TMEM74: variants seen among roughly 807,000 people sequenced by gnomAD.
The protein encoded by TMEM74 is transmembrane protein 74.
A neutral mutation model predicts 18.1 loss-of-function variants in TMEM74; 13 were observed. The ratio of observed to expected loss-of-function variants is 0.72; its 90% CI spans 0.47 to 1.14. TMEM74 has a LOEUF of 1.14. TMEM74 is among the 50% of genes most tolerant of loss of function. TMEM74 has a pLI of 0.00. For synonymous variants in TMEM74, 159 were observed against 146.6 expected (o/e 1.08, Z -0.61); for missense variants, 372 against 375.9 (o/e 0.99, Z 0.09).
At chr8:108,653,613 G>A (rs1812794707) in intron 2 of TMEM74, among the ~76,000 whole-genome samples, 1 of 152,010 alleles carries the variant, frequency 6.6e-6, no homozygotes, top group Non-Finnish European at 1.5e-5. Context: ...CATTATATGT[G>A]AAACATCTAC....
At chr8:108,730,213 A>G (rs1408151347) in intron 1 of TMEM74, among the ~76,000 whole-genome samples, 1 of 152,180 alleles carries the variant, frequency 6.6e-6, no homozygotes, top group Non-Finnish European at 1.5e-5. Flanking sequence ...GCTGATCAAT[A>G]GAGTGGGGCT....
At position 108,782,729 on chromosome 8, in the gene TMEM74, C is replaced by T. The variant is rs1235885055; in HGVS notation, c.*1452G>A. 6.6e-6 allele frequency among the ~76,000 whole-genome samples: 1 copy of T among 152,204 alleles called. No individual in the cohort carries two copies. Among genetic ancestry groups the T allele is most frequent in the Non-Finnish European group, 1.5e-5 (1 of 68,030 alleles). ...TCATTCCTGCTGTCTCATACCAATT[C>T]CCAGCTCCTGTCCTCTTTTTAAGAA... On this transcript the variant is annotated 3_prime_UTR_variant, in exon 2 of 2. Coordinates refer to ENST00000297459, the MANE Select transcript of TMEM74 (RefSeq NM_153015.3).
chr8:108,678,882 T>A (rs1813083443), intron 1 of TMEM74, among the ~76,000 whole-genome samples: 1 of 150,894 alleles, frequency 6.6e-6, no homozygotes, highest in Non-Finnish European at 1.5e-5. Flanking sequence ...TATCTCCTAA[T>A]GCCATCCTCC....
At chr8:108,750,436 CAT>C (rs1215847885) in intron 1 of TMEM74, among the ~76,000 whole-genome samples, 1 of 152,044 alleles carries the variant, frequency 6.6e-6, no homozygotes, top group African/African-American at 2.4e-5. Context: ...GGTAGTTAGG[CAT>C]GAATGGAGCA....
At chr8:108,611,999 C>A (rs1294933471) in intron 2 of TMEM74, among the ~76,000 whole-genome samples, 1 of 152,072 alleles carries the variant, frequency 6.6e-6, no homozygotes, top group African/African-American at 2.4e-5. Context: ...AAGTGCCGAG[C>A]AAAAGGAGGA....
rs116411103 is a variant in TMEM74 at position 108,651,312 on chromosome 8, C to A, written n.264+3981G>T. Among the ~76,000 whole-genome samples the A allele has an allele frequency of 6.5e-3, 996 of 152,260 alleles. 14 individuals are homozygous for A. The highest frequency in any genetic ancestry group is 0.021 in the African/African-American group (883 of 41,564). On this transcript the variant is annotated intron_variant and non_coding_transcript_variant, in intron 2 of 3. Coordinates refer to the TMEM74 transcript ENST00000518838. ...AACTTTGTTTACATGCTGAATCCAA[C>A]TTTACTGCCCTCTTTAGGAACTGAT...
At chr8:108,728,481 C>A (rs1378263234) in intron 1 of TMEM74, among the ~76,000 whole-genome samples, 1 of 152,086 alleles carries the variant, frequency 6.6e-6, no homozygotes, top group Non-Finnish European at 1.5e-5. Context: ...AAAGTCCTCT[C>A]CTGATCATAG....
intron 1 of TMEM74, among the ~76,000 whole-genome samples, chr8:108,748,241 T>C (rs572446621): frequency 1.2e-4 from 19 of 152,184 alleles, no homozygotes; most frequent in Non-Finnish European, 2.1e-4. Flanking sequence ...TTATTGACTT[T>C]TTAGTAATAG....
At chr8:108,734,219 G>A (rs920723873) in intron 1 of TMEM74, among the ~76,000 whole-genome samples, 3 of 152,052 alleles carry the variant, frequency 2.0e-5, no homozygotes, top group African/African-American at 2.4e-5. Flanking sequence ...CACTTTTCCC[G>A]CCCTTAGACA....
At chr8:108,624,387 C>A (rs1812472920) in intron 2 of TMEM74, among the ~76,000 whole-genome samples, 1 of 152,002 alleles carries the variant, frequency 6.6e-6, no homozygotes, top group Non-Finnish European at 1.5e-5. Context: ...CACATTAATA[C>A]CTTTGCTTAT....
intron 1 of TMEM74, among the ~76,000 whole-genome samples, chr8:108,769,179 A>T (rs1411374583): frequency 5.3e-5 from 8 of 150,260 alleles, no homozygotes; most frequent in Non-Finnish European, 1.2e-4. Context: ...AAAAAAAAAA[A>T]TCTGGGCATG....
At chr8:108,770,444 A>G (rs1814159224) in intron 1 of TMEM74, among the ~76,000 whole-genome samples, 1 of 152,202 alleles carries the variant, frequency 6.6e-6, no homozygotes, top group Non-Finnish European at 1.5e-5. Context: ...GTATATAATG[A>G]CACAAAACCT....
At chr8:108,658,631 T>C (rs1812869561) in intron 1 of TMEM74, among the ~76,000 whole-genome samples, 1 of 152,202 alleles carries the variant, frequency 6.6e-6, no homozygotes, top group Non-Finnish European at 1.5e-5. Flanking sequence ...GTCCTGAATG[T>C]GAGAAAGGCA....
At chr8:108,776,641 C>T (rs923503440), downstream of TMEM74, among the ~76,000 whole-genome samples, 3 of 151,982 alleles carry the variant, frequency 2.0e-5, no homozygotes, top group East Asian at 1.9e-4. Flanking sequence ...ATTGTTTTTC[C>T]GTTCATGAAG....
chr8:108,742,872 G>T (rs1195516652), intron 1 of TMEM74, among the ~76,000 whole-genome samples: 1 of 152,204 alleles, frequency 6.6e-6, no homozygotes, highest in Non-Finnish European at 1.5e-5. Flanking sequence ...TTAGAAACCA[G>T]AAGGCATCAT....
intron 1 of TMEM74, among the ~76,000 whole-genome samples, chr8:108,726,501 C>G (rs1343116165): frequency 1.3e-5 from 2 of 152,082 alleles, no homozygotes; most frequent in Non-Finnish European, 2.9e-5. Context: ...TTGTGGAATG[C>G]CAGTTTTATA....
At chr8:108,617,998 T>A (rs1227931895) in intron 2 of TMEM74, among the ~76,000 whole-genome samples, 1 of 152,114 alleles carries the variant, frequency 6.6e-6, no homozygotes, top group Non-Finnish European at 1.5e-5. Context: ...TTCATCCCTA[T>A]CTTTACTGCC....
intron 2 of TMEM74, among the ~76,000 whole-genome samples, chr8:108,627,365 G>A (rs559241482): frequency 4.7e-4 from 72 of 152,048 alleles, no homozygotes; most frequent in Middle Eastern, 3.4e-3. Flanking sequence ...TAGAAACATG[G>A]GATTTAGAAC....
At chr8:108,742,937 C>T (rs1813816156) in intron 1 of TMEM74, among the ~76,000 whole-genome samples, 1 of 152,172 alleles carries the variant, frequency 6.6e-6, no homozygotes, top group Admixed American at 6.6e-5. Flanking sequence ...ATCAGGAAAG[C>T]CGTAAATCAA....
Sources: gnomAD v4.1 joint callset for allele counts (sites outside exome capture counted in the v4.1 genomes callset) on GRCh38, gnomAD v4.1.1 for gene constraint, MANE v1.5 for transcripts, NCBI Gene and HGNC (gene_info 2026-07-23, HGNC 2026-07-21) for gene names.